ARNT2: variants seen among roughly 807,000 people sequenced by gnomAD.
ARNT2 encodes aryl hydrocarbon receptor nuclear translocator 2.
In ARNT2, 36 loss-of-function variants were observed where a neutral mutation model predicts 91.7. The observed-to-expected ratio is 0.39, with a 90% confidence interval of 0.30 to 0.52. The LOEUF is 0.52. Among genes scored for constraint, ARNT2 ranks in the 20% least tolerant of loss-of-function variants. The pLI is 0.72. For missense variants in ARNT2, 775 were observed against 939.3 expected (o/e 0.83, Z 2.29); for synonymous variants, 365 against 347.1 (o/e 1.05, Z -0.57).
intron 8 of ARNT2, among the ~76,000 whole-genome samples, chr15:80,548,934 C>T (rs1489727330): frequency 1.3e-5 from 2 of 152,048 alleles, no homozygotes; most frequent in Non-Finnish European, 2.9e-5. Flanking sequence ...TGTGGAAAAA[C>T]ATACCTTCAA....
At chr15:80,532,340 G>C (rs139511300) in intron 8 of ARNT2, among the ~76,000 whole-genome samples, 4 of 152,166 alleles carry the variant, frequency 2.6e-5, no homozygotes, top group African/African-American at 9.6e-5. Context: ...ATCATTGTTG[G>C]TGTCAGCCAT....
chr15:80,530,323 C>G (rs1897715571), intron 8 of ARNT2, among the ~76,000 whole-genome samples: 1 of 152,136 alleles, frequency 6.6e-6, no homozygotes, highest in African/African-American at 2.4e-5. Context: ...TCACAAACAC[C>G]CCCTGTAGTG....
chr15:80,424,220 T>G (rs1252087295), intron 1 of ARNT2, among the ~76,000 whole-genome samples: 2 of 152,162 alleles, frequency 1.3e-5, no homozygotes, highest in African/African-American at 4.8e-5. Context: ...CCGCAAGGAC[T>G]GTGGGTGAGA....
intron 8 of ARNT2, among the ~76,000 whole-genome samples, chr15:80,517,720 T>C (rs985231553): frequency 2.6e-5 from 4 of 152,076 alleles, no homozygotes; most frequent in African/African-American, 9.7e-5. Flanking sequence ...ATACTTTCCT[T>C]GGCTGTGTTC....
Position 80,562,027 on chromosome 15 carries a change from G to C in ARNT2, c.1165-1061G>C, listed in dbSNP as rs76598949. On this transcript the variant is annotated intron_variant, in intron 11 of 18. Coordinates refer to ENST00000303329, the MANE Select transcript of ARNT2 (RefSeq NM_014862.4). ...CATCCACTGGGGGTTTTGGATTGTA[G>C]CCCCCTTGGATAAGGGGGCACTGCT... is the stretch of plus-strand genomic sequence containing the variant. 7.4e-3 allele frequency among the ~76,000 whole-genome samples: 1,121 copies of C among 151,734 alleles called. 13 individuals carry two copies. The highest frequency in any genetic ancestry group is 0.038 in the East Asian group (198 of 5,166).
chr15:80,467,113 TG>T (rs1595975295), intron 3 of ARNT2, among the ~76,000 whole-genome samples: 1 of 152,140 alleles, frequency 6.6e-6, no homozygotes, highest in Non-Finnish European at 1.5e-5. Context: ...GGAGGCTCAA[TG>T]GAAGGGGTTT....
intron 3 of ARNT2, among the ~76,000 whole-genome samples, chr15:80,463,171 C>T (rs771539145): frequency 2.0e-4 from 30 of 152,198 alleles, no homozygotes; most frequent in Non-Finnish European, 4.1e-4. Context: ...TAAAGTATTT[C>T]CAAGGCAGAG....
chr15:80,596,855 A>C lies in ARNT2; in HGVS notation c.*3157A>C, dbSNP rs1003064329. 7 of 319,156 alleles carry C rather than the reference A, an allele frequency of 2.2e-5. No homozygotes were observed. The highest frequency in any genetic ancestry group is 1.5e-4 in the African/African-American group (7 of 46,048). The allele number at this position is 319,156 out of a possible 1,614,324, so 19.8% of individuals were successfully genotyped here. A position where few individuals can be genotyped will look rare whatever the true frequency, so the allele number is the denominator to read the frequency against. On this transcript the variant is annotated 3_prime_UTR_variant, in exon 19 of 19. Coordinates refer to ENST00000303329, the MANE Select transcript of ARNT2 (RefSeq NM_014862.4). ...GCAGCCACAGTAAGGCTCCATCAGGACTGGGTCAGTGATGGCAACAGGATG... is the reference window on the plus strand; with the variant it reads ...GCAGCCACAGTAAGGCTCCATCAGGCCTGGGTCAGTGATGGCAACAGGATG...
At chr15:80,463,641 C>T (rs1212183372) in intron 3 of ARNT2, among the ~76,000 whole-genome samples, 2 of 146,276 alleles carry the variant, frequency 1.4e-5, no homozygotes, top group Admixed American at 7.1e-5. Flanking sequence ...TGCAATGGCG[C>T]GGTCTCGGTT....
At chr15:80,504,457 T>C (rs189987981) in intron 5 of ARNT2, among the ~76,000 whole-genome samples, 3 of 152,270 alleles carry the variant, frequency 2.0e-5, no homozygotes, top group Admixed American at 1.3e-4. Flanking sequence ...AGGTGACACC[T>C]TGGGTAAGTT....
chr15:80,489,456 T>C (rs1361019038), intron 5 of ARNT2, among the ~76,000 whole-genome samples: 1 of 152,230 alleles, frequency 6.6e-6, no homozygotes, highest in Non-Finnish European at 1.5e-5. Flanking sequence ...TTTTGGGTGA[T>C]GACATAAATT....
At chr15:80,414,336 G>T (rs901817568) in intron 1 of ARNT2, among the ~76,000 whole-genome samples, 1 of 152,156 alleles carries the variant, frequency 6.6e-6, no homozygotes, top group African/African-American at 2.4e-5. Context: ...AGCTTATCCA[G>T]CCTCAAATGT....
intron 8 of ARNT2, among the ~76,000 whole-genome samples, chr15:80,540,668 TC>T (rs573384471): frequency 5.5e-4 from 84 of 152,188 alleles, no homozygotes; most frequent in Middle Eastern, 6.8e-3. Flanking sequence ...CATCTAGTAA[TC>T]CCAGTGTCTA....
chr15:80,406,559 T>C (rs1895603866), intron 1 of ARNT2, among the ~76,000 whole-genome samples: 2 of 152,236 alleles, frequency 1.3e-5, no homozygotes, highest in African/African-American at 4.8e-5. Context: ...AACTTTTTTG[T>C]CCATTACATT....
At position 80,503,149 on chromosome 15, in the gene ARNT2, A is replaced by G. The variant is rs544165035; in HGVS notation, c.623-5007A>G. On this transcript the variant is annotated intron_variant, in intron 5 of 18. Transcript: ENST00000303329. ...ATTAGGAGCAGTGTAACTGGCAGTA[A>G]CATCTCTGTTTGCCTCTCTACTGGG... 1.3e-4 allele frequency among the ~76,000 whole-genome samples: 20 copies of G among 152,312 alleles called. 1 individual carries two copies. The South Asian group carries it at 4.2e-3, about 32-fold the overall frequency.
chr15:80,577,315 G>C (rs761607751), intron 15 of ARNT2, among the ~76,000 whole-genome samples: 1 of 152,222 alleles, frequency 6.6e-6, no homozygotes, highest in Non-Finnish European at 1.5e-5. Flanking sequence ...CCTGTCATCT[G>C]GTGCCCAGAG....
At chr15:80,443,060 G>A (rs1029044670) in intron 1 of ARNT2, 3 of 980,394 alleles carry the variant, frequency 3.1e-6, no homozygotes, top group African/African-American at 1.8e-5. Flanking sequence ...GACCAGACCT[G>A]GACTGGGTAG....
chr15:80,532,195 A>G (rs1897750883), intron 8 of ARNT2, among the ~76,000 whole-genome samples: 1 of 152,188 alleles, frequency 6.6e-6, no homozygotes, highest in Non-Finnish European at 1.5e-5. Flanking sequence ...TGAAGCCTTG[A>G]GAGGCCAAGT....
intron 5 of ARNT2, among the ~76,000 whole-genome samples, chr15:80,497,845 G>C (rs1897141456): frequency 6.6e-6 from 1 of 152,212 alleles, no homozygotes; most frequent in African/African-American, 2.4e-5. Flanking sequence ...CAGCAAGTGA[G>C]GAAGAAAGGC....
Sources: gnomAD v4.1 joint callset for allele counts (sites outside exome capture counted in the v4.1 genomes callset) on GRCh38, gnomAD v4.1.1 for gene constraint, MANE v1.5 for transcripts, NCBI Gene and HGNC (gene_info 2026-07-23, HGNC 2026-07-21) for gene names.